The following AGBL4 variants were observed in gnomAD, a reference collection of about 807,000 sequenced individuals.
AGBL4 encodes AGBL carboxypeptidase 4, also known as cytosolic carboxypeptidase 6.
A neutral mutation model predicts 66.4 loss-of-function variants in AGBL4; 58 were observed. The ratio of observed to expected loss-of-function variants is 0.87; its 90% CI spans 0.71 to 1.09. The LOEUF is 1.09. Ranked by LOEUF, AGBL4 falls within the 50% of genes least tolerant of loss-of-function variation. The pLI is 0.00. For synonymous variants in AGBL4, 234 were observed against 222.9 expected, an observed-to-expected ratio of 1.05 and a Z score of -0.44; for missense variants, 579 against 631.0, an observed-to-expected ratio of 0.92 and a Z score of 0.88.
At chr1:49,344,242 T>C (rs1007995279) in intron 3 of AGBL4, among the ~76,000 whole-genome samples, 2 of 151,970 alleles carry the variant, frequency 1.3e-5, no homozygotes, top group Non-Finnish European at 2.9e-5. Context: ...ACTACTGGAG[T>C]GTGGCACATG....
intron 6 of AGBL4, among the ~76,000 whole-genome samples, chr1:48,844,623 C>T (rs1453501497): frequency 6.6e-6 from 1 of 152,132 alleles, no homozygotes; most frequent in Non-Finnish European, 1.5e-5. Flanking sequence ...GAACACTCTC[C>T]CATCTCCAGT....
chr1:49,729,919 T>C (rs562957499), intron 2 of AGBL4, among the ~76,000 whole-genome samples: 30 of 152,104 alleles, frequency 2.0e-4, no homozygotes, highest in Non-Finnish European at 3.2e-4. Context: ...AGCCTGAAAA[T>C]GAGCTGAGCT....
At chr1:48,523,084 C>A in the AGBL4 span, among the ~76,000 whole-genome samples, 1 of 151,958 alleles carries the variant, frequency 6.6e-6, no homozygotes, top group Admixed American at 6.6e-5. Context: ...CTGGAGGAGC[C>A]CTTAGTGATC....
At chr1:49,747,973 T>TGC (rs1553256194) in intron 2 of AGBL4, among the ~76,000 whole-genome samples, 12 of 150,412 alleles carry the variant, frequency 8.0e-5, no homozygotes, top group Non-Finnish European at 1.8e-4. Context: ...TGTGTGTGTG[T>TGC]GCATGCAGAC....
At chr1:49,657,406 C>A (rs1324184081) in intron 3 of AGBL4, among the ~76,000 whole-genome samples, 1 of 152,114 alleles carries the variant, frequency 6.6e-6, no homozygotes, top group Non-Finnish European at 1.5e-5. Context: ...TAGGAAGAAT[C>A]AATATCGTGA....
At chr1:49,932,121 G>A (rs987456363) in intron 1 of AGBL4, among the ~76,000 whole-genome samples, 11 of 152,156 alleles carry the variant, frequency 7.2e-5, no homozygotes, top group African/African-American at 2.6e-4. Context: ...ATTCAAATAA[G>A]GGATATTGAA....
At chr1:49,908,780 G>A (rs1227073905) in intron 1 of AGBL4, among the ~76,000 whole-genome samples, 2 of 151,924 alleles carry the variant, frequency 1.3e-5, no homozygotes, top group African/African-American at 4.8e-5. Flanking sequence ...AAGGGGGTGG[G>A]TCTCAAACTG....
intron 7 of AGBL4, among the ~76,000 whole-genome samples, chr1:48,656,933 A>G (rs1000911364): frequency 6.6e-6 from 1 of 152,182 alleles, no homozygotes; most frequent in Non-Finnish European, 1.5e-5. Flanking sequence ...CTATTTACCC[A>G]TGTAACAAGC....
chr1:49,733,654 G>T lies in AGBL4; in HGVS notation c.158-36217C>A, dbSNP rs938402561. Among the ~76,000 whole-genome samples the T allele has an allele frequency of 5.8e-4, 89 of 152,160 alleles. 1 individual carries two copies. The highest frequency in any genetic ancestry group is 2.1e-3 in the African/African-American group (86 of 41,428). ...ATCCCCATTGCAACAGTGATGGGAGGTGGGGCCTTCAGAGAGGTGTTTAGG... is the reference window on the plus strand; with the variant it reads ...ATCCCCATTGCAACAGTGATGGGAGTTGGGGCCTTCAGAGAGGTGTTTAGG... On this transcript the variant is annotated intron_variant, in intron 2 of 13. Transcript: ENST00000371839.
chr1:49,852,932 G>A (rs979539964), intron 1 of AGBL4, among the ~76,000 whole-genome samples: 3 of 151,372 alleles, frequency 2.0e-5, no homozygotes, highest in African/African-American at 7.3e-5. Context: ...TAGCAACAAA[G>A]AAACTCAAAC....
At chr1:49,523,564 C>T (rs943645562) in intron 3 of AGBL4, among the ~76,000 whole-genome samples, 8 of 151,988 alleles carry the variant, frequency 5.3e-5, no homozygotes, top group Non-Finnish European at 8.8e-5. Context: ...ATTTCCATAA[C>T]TTTAAGTACA....
At chr1:48,945,058 C>T (rs1656382737) in intron 5 of AGBL4, among the ~76,000 whole-genome samples, 1 of 152,138 alleles carries the variant, frequency 6.6e-6, no homozygotes, top group Non-Finnish European at 1.5e-5. Flanking sequence ...TCCATCCTTT[C>T]CTGACTTGAG....
intron 2 of AGBL4, among the ~76,000 whole-genome samples, chr1:49,841,336 A>T (rs1455702154): frequency 6.6e-6 from 1 of 152,220 alleles, no homozygotes; most frequent in Non-Finnish European, 1.5e-5. Flanking sequence ...TGCTGAAAGA[A>T]ATCAGAGATG....
intron 3 of AGBL4, among the ~76,000 whole-genome samples, chr1:49,614,466 T>A (rs1645214426): frequency 6.6e-6 from 1 of 152,182 alleles, no homozygotes; most frequent in Admixed American, 6.5e-5. Context: ...TTATAGCCAT[T>A]TGAATAATTT....
At chr1:49,849,633 G>A (rs1646256250) in intron 2 of AGBL4, among the ~76,000 whole-genome samples, 1 of 151,814 alleles carries the variant, frequency 6.6e-6, no homozygotes. Context: ...CCACTCTACT[G>A]CAAGTCTCAT....
At chr1:48,564,965 C>G (rs1644453191) in intron 11 of AGBL4, among the ~76,000 whole-genome samples, 1 of 152,206 alleles carries the variant, frequency 6.6e-6, no homozygotes, top group Admixed American at 6.5e-5. Flanking sequence ...GCATCTGGCT[C>G]CCTGTTCAGG....
chr1:49,549,977 T>C (rs1011702740), intron 3 of AGBL4, among the ~76,000 whole-genome samples: 6 of 152,200 alleles, frequency 3.9e-5, no homozygotes, highest in African/African-American at 1.4e-4. Context: ...GTTAGGTGCA[T>C]ATATGTTTAG....
intron 9 of AGBL4, among the ~76,000 whole-genome samples, chr1:48,622,444 T>C (rs1402447677): frequency 6.6e-6 from 1 of 152,036 alleles, no homozygotes; most frequent in Non-Finnish European, 1.5e-5. Flanking sequence ...TTGCAAACTT[T>C]CTATGCTCAA....
At chr1:49,952,806 T>C (rs951461110) in intron 1 of AGBL4, among the ~76,000 whole-genome samples, 7 of 151,934 alleles carry the variant, frequency 4.6e-5, no homozygotes, top group African/African-American at 1.2e-4. Flanking sequence ...GGTAAAGATA[T>C]ATGTACATTG....
Sources: gnomAD v4.1 joint callset for allele counts (sites outside exome capture counted in the v4.1 genomes callset) on GRCh38, gnomAD v4.1.1 for gene constraint, MANE v1.5 for transcripts, NCBI Gene and HGNC (gene_info 2026-07-23, HGNC 2026-07-21) for gene names.